Variants in XYLT1 observed in about 807,000 individuals in gnomAD.
XYLT1 encodes the protein xylosyltransferase 1, also known as beta-D-xylosyltransferase 1.
In XYLT1, 36 loss-of-function variants were observed where a neutral mutation model predicts 91.3. The observed-to-expected ratio is 0.39, with a 90% CI of 0.30 to 0.52. The LOEUF (loss-of-function observed/expected upper bound fraction) is 0.52, where lower values mean the gene tolerates loss of function less well. Ranked by LOEUF, XYLT1 falls within the 20% of genes least tolerant of loss-of-function variation. The pLI, the probability that XYLT1 is intolerant of heterozygous loss-of-function variation, is 0.68. For missense variants in XYLT1, 1,242 were observed against 1,284.5 expected (o/e 0.97, Z 0.51); for synonymous variants, 588 against 532.0 (o/e 1.11, Z -1.45).
chr16:17,287,629 C>G (rs1048592565), intron 2 of XYLT1, among the ~76,000 whole-genome samples: 1 of 152,210 alleles, frequency 6.6e-6, no homozygotes, highest in Non-Finnish European at 1.5e-5. Context: ...GGGGAGCCCT[C>G]CCAGGGCCCT....
rs376560626 is a variant in XYLT1 at position 17,163,489 on chromosome 16, T to C, written c.1290-4580A>G. Among the ~76,000 whole-genome samples the C allele has an allele frequency of 2.8e-3, 434 of 152,298 alleles. 3 individuals carry two copies. The highest frequency in any genetic ancestry group is 9.8e-3 in the African/African-American group (407 of 41,566). On this transcript the variant is annotated intron_variant, in intron 5 of 11. Coordinates refer to ENST00000261381, the MANE Select transcript of XYLT1 (RefSeq NM_022166.4). Reference sequence around the variant, plus strand: ...GGAAGGAGCCCAACACAAAGCCAACTGCACCTCTCTGGGCTCCCGGTGCCC... The same window carrying C: ...GGAAGGAGCCCAACACAAAGCCAACCGCACCTCTCTGGGCTCCCGGTGCCC...
intron 1 of XYLT1, among the ~76,000 whole-genome samples, chr16:17,385,261 A>AACACAC (rs149517758): frequency 1.9e-5 from 2 of 108,100 alleles, no homozygotes; most frequent in Non-Finnish European, 2.0e-5. Context: ...AACACACATA[A>AACACAC]ACACACATAC....
At chr16:17,241,146 A>T (rs180892312) in intron 3 of XYLT1, among the ~76,000 whole-genome samples, 67 of 152,348 alleles carry the variant, frequency 4.4e-4, no homozygotes, top group Non-Finnish European at 9.0e-4. Flanking sequence ...TGCTCTACAA[A>T]TGCATTATTA....
Position 17,134,637 on chromosome 16 carries a change from A to C in XYLT1, c.1863T>G (p.Pro621=). ...AGGAGCGCAGGCCCGGGGTACCTGCAGGGTAGTTCCCGTACAGGTAATAGT... is the reference window on the plus strand; with the variant it reads ...AGGAGCGCAGGCCCGGGGTACCTGCCGGGTAGTTCCCGTACAGGTAATAGT... The part of the protein sequence containing the change: ...QLDYYLYGNY[P]AGTPGLRSYW... Residue 621 remains proline (P), a synonymous_variant, in exon 9 of 12, where the codon CCT becomes CCG. Coordinates refer to ENST00000261381, the MANE Select transcript of XYLT1 (RefSeq NM_022166.4). 1.9e-6 allele frequency: 3 copies of C among 1,614,194 alleles called. No individual in the cohort carries two copies. The highest frequency in any genetic ancestry group is 1.7e-6 in the Non-Finnish European group (2 of 1,180,032).
chr16:17,464,587 C>T (rs1166766621), intron 1 of XYLT1, among the ~76,000 whole-genome samples: 1 of 151,526 alleles, frequency 6.6e-6, no homozygotes, highest in Non-Finnish European at 1.5e-5. Context: ...ATCCCAATTA[C>T]TTTAAGTTAA....
chr16:17,283,485 C>T (rs986318596), intron 2 of XYLT1, among the ~76,000 whole-genome samples: 2 of 152,168 alleles, frequency 1.3e-5, no homozygotes, highest in Non-Finnish European at 2.9e-5. Context: ...TAGGCACACA[C>T]GCACACACTC....
chr16:17,138,901 TCTGA>T (rs978027919), intron 7 of XYLT1, among the ~76,000 whole-genome samples: 5 of 152,282 alleles, frequency 3.3e-5, no homozygotes, highest in East Asian at 1.9e-4. Context: ...GGGATTCAAG[TCTGA>T]CTGACTGACT....
chr16:17,460,221 A>G (rs551314853), intron 1 of XYLT1, among the ~76,000 whole-genome samples: 129 of 152,268 alleles, frequency 8.5e-4, no homozygotes, highest in Admixed American at 3.7e-3. Flanking sequence ...CAACTTCCCA[A>G]TGCGTGTTAT....
At chr16:17,454,116 T>C (rs1383162314) in intron 1 of XYLT1, among the ~76,000 whole-genome samples, 2 of 152,190 alleles carry the variant, frequency 1.3e-5, no homozygotes, top group African/African-American at 2.4e-5. Flanking sequence ...AAAATATAAT[T>C]GTCAAATCAA....
intron 8 of XYLT1, among the ~76,000 whole-genome samples, chr16:17,135,349 G>A (rs1358606654): frequency 2.0e-5 from 3 of 151,990 alleles, no homozygotes; most frequent in Non-Finnish European, 4.4e-5. Context: ...ACAAGGGATC[G>A]GAATCTCTGG....
chr16:17,443,534 T>C (rs1298145259), intron 1 of XYLT1, among the ~76,000 whole-genome samples: 1 of 152,208 alleles, frequency 6.6e-6, no homozygotes, highest in Non-Finnish European at 1.5e-5. Flanking sequence ...TCCACCATGA[T>C]TGTAAGTTTC....
chr16:17,230,729 A>C (rs1402356223), intron 3 of XYLT1, among the ~76,000 whole-genome samples: 2 of 152,058 alleles, frequency 1.3e-5, no homozygotes, highest in Non-Finnish European at 2.9e-5. Flanking sequence ...CTTTTCTTTC[A>C]TCCTCCGGTC....
Position 17,176,591 on chromosome 16 carries a change from G to A in XYLT1, c.1290-17682C>T, listed in dbSNP as rs1450237310. Among the ~76,000 whole-genome samples the A allele has an allele frequency of 3.3e-5, 5 of 152,224 alleles. No individual in the cohort carries two copies. In the South Asian group the frequency reaches 1.0e-3, roughly 31 times the overall value. ...AAATTCCTGCCGACTAGCAGAAGGA[G>A]GTTTGTAGGTCCAGTTCCAGATCCA... On this transcript the variant is annotated intron_variant, in intron 5 of 11. Coordinates refer to ENST00000261381, the MANE Select transcript of XYLT1 (RefSeq NM_022166.4).
intron 2 of XYLT1, among the ~76,000 whole-genome samples, chr16:17,306,503 T>C (rs994380110): frequency 1.3e-5 from 2 of 151,338 alleles, no homozygotes; most frequent in African/African-American, 2.4e-5. Context: ...TGCAGTGAGC[T>C]GAGATCACAC....
At chr16:17,253,002 A>C (rs919382301) in intron 3 of XYLT1, among the ~76,000 whole-genome samples, 1 of 152,208 alleles carries the variant, frequency 6.6e-6, no homozygotes, top group African/African-American at 2.4e-5. Context: ...CCATCTCCTC[A>C]TTTAGCAAAG....
chr16:17,230,337 C>T (rs900193591), intron 3 of XYLT1, among the ~76,000 whole-genome samples: 3 of 152,162 alleles, frequency 2.0e-5, no homozygotes, highest in Non-Finnish European at 4.4e-5. Flanking sequence ...TCGTCTGAAG[C>T]TTGACTGATT....
At chr16:17,376,351 G>A (rs1022214295) in intron 1 of XYLT1, among the ~76,000 whole-genome samples, 1 of 152,158 alleles carries the variant, frequency 6.6e-6, no homozygotes, top group Non-Finnish European at 1.5e-5. Context: ...CAACCTAAGA[G>A]GACAGAGGTA....
chr16:17,330,662 T>C (rs1336552409), intron 2 of XYLT1, among the ~76,000 whole-genome samples: 2 of 151,644 alleles, frequency 1.3e-5, no homozygotes, highest in Non-Finnish European at 2.9e-5. Flanking sequence ...GATATGGTGA[T>C]ACATGCCTGT....
chr16:17,424,299 G>A (rs1201715247), intron 1 of XYLT1, among the ~76,000 whole-genome samples: 2 of 152,178 alleles, frequency 1.3e-5, no homozygotes, highest in Non-Finnish European at 2.9e-5. Context: ...TAGCAAACCT[G>A]AGAGAACTGA....
Sources: gnomAD v4.1 joint callset for allele counts (sites outside exome capture counted in the v4.1 genomes callset) on GRCh38, gnomAD v4.1.1 for gene constraint, MANE v1.5 for transcripts, NCBI Gene and HGNC (gene_info 2026-07-23, HGNC 2026-07-21) for gene names.